Variants in ANO1 observed in about 807,000 individuals in gnomAD.
ANO1 encodes the protein anoctamin 1.
A neutral mutation model predicts 124.0 loss-of-function variants in ANO1; 59 were observed. The observed-to-expected ratio is 0.48, with a 90% confidence interval of 0.39 to 0.59. ANO1 has a LOEUF of 0.59. Ranked by LOEUF, ANO1 falls within the 20% of genes least tolerant of loss-of-function variation. ANO1 has a pLI of 0.00. For synonymous variants in ANO1, 529 were observed against 532.0 expected, an observed-to-expected ratio of 0.99 and a Z score of 0.08; for missense variants, 1,059 against 1,328.0, an observed-to-expected ratio of 0.80 and a Z score of 3.15.
intron 1 of ANO1, among the ~76,000 whole-genome samples, chr11:70,034,465 G>T (rs1458936886): frequency 6.6e-6 from 1 of 152,160 alleles, no homozygotes; most frequent in African/African-American, 2.4e-5. Flanking sequence ...TGCCAGGAGA[G>T]GGAGTCAACC....
chr11:70,178,903 A>G (rs1323670325), intron 22 of ANO1, among the ~76,000 whole-genome samples: 2 of 152,180 alleles, frequency 1.3e-5, no homozygotes, highest in African/African-American at 4.8e-5. Context: ...TGTGACTGTG[A>G]TCTATCATTG....
intron 1 of ANO1, among the ~76,000 whole-genome samples, chr11:70,035,377 C>G (rs1225840767): frequency 2.0e-5 from 3 of 150,006 alleles, no homozygotes; most frequent in Admixed American, 6.6e-5. Context: ...TTATTATGAC[C>G]CTGCTTTTTT....
At chr11:70,075,418 A>G (rs1413979450), upstream of ANO1, 1 of 152,042 alleles carries the variant, frequency 6.6e-6, no homozygotes, top group Non-Finnish European at 1.5e-5. Context: ...GAAGATTAGT[A>G]TGGCCCCTGC....
intron 1 of ANO1, among the ~76,000 whole-genome samples, chr11:69,993,114 T>C (rs1409455103): frequency 1.3e-5 from 2 of 152,174 alleles, no homozygotes; most frequent in Non-Finnish European, 2.9e-5. Flanking sequence ...ACCCTGGGAA[T>C]GCCAGCCCCA....
rs1449720853 is a variant in ANO1 at position 70,170,963 on chromosome 11, C to T, written c.2274C>T (p.Ile758=). 1.2e-6 allele frequency: 2 copies of T among 1,613,344 alleles called. No individual in the cohort carries two copies. The highest frequency in any genetic ancestry group is 1.7e-5 in the Admixed American group (1 of 59,918). Reference sequence around the variant, plus strand: ...CACTGTTTGCGCTGCTGAACAACATCATCGAGATCCGCCTGGACGCCAAAA... The same window carrying T: ...CACTGTTTGCGCTGCTGAACAACATTATCGAGATCCGCCTGGACGCCAAAA... ...LAPLFALLNN[I]IEIRLDAKKF... The change falls in exon 22 of 26, where the codon ATC becomes ATT. Residue 758 remains isoleucine, a synonymous_variant. Transcript: ENST00000355303.
At chr11:70,094,677 C>T (rs1020501281) in intron 2 of ANO1, among the ~76,000 whole-genome samples, 12 of 152,154 alleles carry the variant, frequency 7.9e-5, no homozygotes, top group Non-Finnish European at 1.3e-4. Flanking sequence ...TTGCAGTCCC[C>T]GTTCTCCCCC....
At chr11:69,991,703 T>C (rs1191839552) in intron 1 of ANO1, among the ~76,000 whole-genome samples, 1 of 152,224 alleles carries the variant, frequency 6.6e-6, no homozygotes, top group African/African-American at 2.4e-5. Flanking sequence ...TTTAGGACAG[T>C]TACAGTACCA....
intron 1 of ANO1, among the ~76,000 whole-genome samples, chr11:70,060,240 G>A (rs1382923030): frequency 6.6e-6 from 1 of 152,174 alleles, no homozygotes; most frequent in Non-Finnish European, 1.5e-5. Context: ...GAGAGCACAC[G>A]AGTTAAAGCA....
At chr11:69,969,501 T>C in the ANO1 span, among the ~76,000 whole-genome samples, 1 of 152,160 alleles carries the variant, frequency 6.6e-6, no homozygotes, top group Non-Finnish European at 1.5e-5. Flanking sequence ...TGGAAGAGGC[T>C]TCTATCTCTG....
chr11:70,056,374 T>A (rs1300349335), intron 1 of ANO1: 1 of 152,156 alleles, frequency 6.6e-6, no homozygotes, highest in African/African-American at 2.4e-5. Flanking sequence ...TGTTGAAAAG[T>A]CAGCCATTTG....
At chr11:70,108,270 T>C (rs1590752359) in intron 5 of ANO1, 83 bp from the exon 6 acceptor site, 1 of 1,393,454 alleles carries the variant, frequency 7.2e-7, no homozygotes, top group Non-Finnish European at 1.0e-6. Context: ...TGTGACCAGG[T>C]CCTCTCCAGC....
chr11:70,162,750 C>G (rs1478343477), intron 18 of ANO1, among the ~76,000 whole-genome samples: 1 of 152,220 alleles, frequency 6.6e-6, no homozygotes, highest in African/African-American at 2.4e-5. Context: ...GGGTCCAGTG[C>G]CCCCTGAGCG....
rs771370159 is a variant in ANO1 at position 70,161,190 on chromosome 11, C to G, written c.1608C>G (p.Gly536=). Residue 536 remains glycine (G), a synonymous_variant, in exon 17 of 26, where the codon GGC becomes GGG. Coordinates refer to ENST00000355303, the MANE Select transcript of ANO1 (RefSeq NM_018043.7). ...MIAVTFAIVL[G]VIIYRISMAA... ...CAGTGACGTTTGCCATCGTCCTCGGCGTCATCATCTACAGAATCTCCATGG... is the reference window on the plus strand; with the variant it reads ...CAGTGACGTTTGCCATCGTCCTCGGGGTCATCATCTACAGAATCTCCATGG... 7 of 1,613,786 alleles carry G rather than the reference C, an allele frequency of 4.3e-6. No individual in the cohort carries two copies. The African/African-American group carries it at 9.3e-5, about 22-fold the overall frequency.
intron 1 of ANO1, among the ~76,000 whole-genome samples, chr11:70,017,078 C>T (rs1268562113): frequency 1.3e-5 from 2 of 152,208 alleles, no homozygotes; most frequent in Non-Finnish European, 2.9e-5. Flanking sequence ...TAGAAAGATG[C>T]CTGGCACAGA....
chr11:70,164,624 A>G (rs1257389602), intron 19 of ANO1, among the ~76,000 whole-genome samples: 1 of 152,214 alleles, frequency 6.6e-6, no homozygotes, highest in Non-Finnish European at 1.5e-5. Context: ...GTCACCATGC[A>G]TCACTGGTGT....
At chr11:70,013,311 T>C (rs988780500) in intron 1 of ANO1, among the ~76,000 whole-genome samples, 2 of 152,080 alleles carry the variant, frequency 1.3e-5, no homozygotes, top group Non-Finnish European at 2.9e-5. Context: ...ACGTTGCAAA[T>C]TTGGACTTGA....
At chr11:70,113,218 C>T (rs1214393628) in intron 7 of ANO1, among the ~76,000 whole-genome samples, 1 of 152,114 alleles carries the variant, frequency 6.6e-6, no homozygotes. Flanking sequence ...TTCTCTGGGC[C>T]TCAGATGGTC....
chr11:70,032,991 C>T (rs529520580), intron 1 of ANO1, among the ~76,000 whole-genome samples: 37 of 152,180 alleles, frequency 2.4e-4, no homozygotes, highest in Non-Finnish European at 4.6e-4. Context: ...ACCAGGCACA[C>T]GGCGTGCCCG....
At chr11:70,149,821 C>A (rs113766356) in intron 12 of ANO1, 29 bp downstream of exon 12, 10 of 1,608,202 alleles carry the variant, frequency 6.2e-6, no homozygotes, top group Non-Finnish European at 8.5e-6. Flanking sequence ...GTGCATATCA[C>A]GCCCTTCCCC....
Sources: gnomAD v4.1 joint callset for allele counts (sites outside exome capture counted in the v4.1 genomes callset) on GRCh38, gnomAD v4.1.1 for gene constraint, MANE v1.5 for transcripts, NCBI Gene and HGNC (gene_info 2026-07-23, HGNC 2026-07-21) for gene names.